FAF1: variants seen among roughly 807,000 people sequenced by gnomAD.
The protein encoded by FAF1 is FAS-associated factor 1.
FAF1 carries 25 observed loss-of-function variants against 92.5 expected under a neutral mutation model. The ratio of observed to expected loss-of-function variants is 0.27; its 90% CI spans 0.20 to 0.38. The LOEUF (loss-of-function observed/expected upper bound fraction) is 0.38, where lower values mean the gene tolerates loss of function less well. Ranked by LOEUF, FAF1 falls within the 10% of genes least tolerant of loss-of-function variation. FAF1 has a pLI of 1.00. For missense variants in FAF1, 636 were observed against 793.3 expected (o/e 0.80, Z 2.38); for synonymous variants, 234 against 273.2 (o/e 0.86, Z 1.42).
At chr1:50,689,955 G>A (rs1175919148) in intron 7 of FAF1, among the ~76,000 whole-genome samples, 2 of 151,530 alleles carry the variant, frequency 1.3e-5, no homozygotes, top group Non-Finnish European at 2.9e-5. Context: ...AGTATACATA[G>A]GAAGATCATT....
intron 4 of FAF1, among the ~76,000 whole-genome samples, chr1:50,772,776 A>G (rs1660819258): frequency 6.6e-6 from 1 of 152,188 alleles, no homozygotes; most frequent in Non-Finnish European, 1.5e-5. Flanking sequence ...GGGTGATGAA[A>G]TAATCTGCAC....
chr1:50,614,365 A>C (rs1326948808), intron 8 of FAF1, among the ~76,000 whole-genome samples: 1 of 152,168 alleles, frequency 6.6e-6, no homozygotes, highest in Non-Finnish European at 1.5e-5. Context: ...AAACTAGTTT[A>C]CCTGTAACTT....
At chr1:50,896,079 C>T (rs1191920789) in intron 1 of FAF1, among the ~76,000 whole-genome samples, 2 of 152,098 alleles carry the variant, frequency 1.3e-5, no homozygotes, top group Non-Finnish European at 2.9e-5. Context: ...TAAAGGGTAT[C>T]CAAATTGGAA....
chr1:50,724,648 T>C (rs1279059223), intron 6 of FAF1, among the ~76,000 whole-genome samples: 1 of 152,202 alleles, frequency 6.6e-6, no homozygotes, highest in Non-Finnish European at 1.5e-5. Context: ...AATATGTAGC[T>C]TTCCCACTCC....
chr1:50,826,043 TTAA>T lies in FAF1; in HGVS notation c.115-24369_115-24367del, dbSNP rs1418049470. Among the ~76,000 whole-genome samples, 13 of 152,268 alleles carry T rather than the reference TTAA, an allele frequency of 8.5e-5. 1 individual carries two copies. The South Asian group carries it at 2.7e-3, about 32-fold the overall frequency. ...CATGTTTGAGTGGAAATGTATAGCCTTAATGATACATATTAAGTATGAAGACTT... is the reference window on the plus strand; with the variant it reads ...CATGTTTGAGTGGAAATGTATAGCCTTGATACATATTAAGTATGAAGACTT... On this transcript the variant is annotated intron_variant, in intron 2 of 18. Coordinates refer to ENST00000396153, the MANE Select transcript of FAF1 (RefSeq NM_007051.3).
chr1:50,688,669 G>T (rs78523737), intron 7 of FAF1, among the ~76,000 whole-genome samples: 1 of 152,006 alleles, frequency 6.6e-6, no homozygotes, highest in East Asian at 1.9e-4. Context: ...AAAATTAGCC[G>T]GGCGTTGTGG....
intron 7 of FAF1, among the ~76,000 whole-genome samples, chr1:50,698,120 C>G (rs1657311458): frequency 6.6e-6 from 1 of 152,080 alleles, no homozygotes; most frequent in Admixed American, 6.6e-5. Flanking sequence ...TTTATATTCA[C>G]TTACCCATCC....
chr1:50,570,310 C>G (rs138688315), intron 12 of FAF1, among the ~76,000 whole-genome samples: 1 of 152,268 alleles, frequency 6.6e-6, no homozygotes, highest in Admixed American at 6.5e-5. Flanking sequence ...CACAAGGAAA[C>G]TTTAGGAAAG....
chr1:50,789,091 TCC>T (rs1202932388), intron 3 of FAF1, among the ~76,000 whole-genome samples: 1 of 152,120 alleles, frequency 6.6e-6, no homozygotes, highest in Admixed American at 6.6e-5. Flanking sequence ...CACTTCTGAC[TCC>T]CAAAGTGCTG....
At chr1:50,653,315 A>AT (rs1033645523) in intron 8 of FAF1, among the ~76,000 whole-genome samples, 7 of 151,306 alleles carry the variant, frequency 4.6e-5, no homozygotes, top group African/African-American at 1.2e-4. Flanking sequence ...AAACCTAAAG[A>AT]TTTTTTTTTC....
intron 9 of FAF1, among the ~76,000 whole-genome samples, chr1:50,586,468 A>G (rs1217719513): frequency 1.3e-5 from 2 of 152,220 alleles, no homozygotes; most frequent in Non-Finnish European, 2.9e-5. Flanking sequence ...GGGCATACCC[A>G]AGCATTAATG....
intron 7 of FAF1, among the ~76,000 whole-genome samples, chr1:50,669,306 A>G (rs1655766697): frequency 6.6e-6 from 1 of 152,154 alleles, no homozygotes; most frequent in African/African-American, 2.4e-5. Flanking sequence ...AAAAAAGACC[A>G]TATAATTTAC....
chr1:50,668,452 T>G (rs899907217), intron 7 of FAF1, among the ~76,000 whole-genome samples: 1 of 152,224 alleles, frequency 6.6e-6, no homozygotes, highest in African/African-American at 2.4e-5. Context: ...CTCAGAGATT[T>G]GTAGGCAGGA....
intron 6 of FAF1, among the ~76,000 whole-genome samples, chr1:50,720,913 C>T (rs1319967461): frequency 6.6e-6 from 1 of 152,120 alleles, no homozygotes; most frequent in Non-Finnish European, 1.5e-5. Flanking sequence ...ACCAGAAGCC[C>T]CACGCTCCTA....
In FAF1 at chr1:50,793,913, A is replaced by G. The variant is rs372804882; in HGVS notation, c.162-5708T>C. On this transcript the variant is annotated intron_variant, in intron 3 of 18. Coordinates refer to ENST00000396153, the MANE Select transcript of FAF1 (RefSeq NM_007051.3). The stretch of plus-strand genomic sequence containing the variant: ...ATGTTCCAAAATCTGAAACTTTTTG[A>G]GCACTGACATTAACACTCAAAGGAA... Among the ~76,000 whole-genome samples, 6 of 152,356 alleles carry G rather than the reference A, an allele frequency of 3.9e-5. No homozygotes were observed. The East Asian group carries it at 1.2e-3, about 29-fold the overall frequency.
chr1:50,667,172 A>G (rs970818478), intron 7 of FAF1, among the ~76,000 whole-genome samples: 1 of 152,276 alleles, frequency 6.6e-6, no homozygotes, highest in African/African-American at 2.4e-5. Context: ...CAAGGAAAAT[A>G]AATCAAGGAA....
intron 18 of FAF1, among the ~76,000 whole-genome samples, chr1:50,474,819 T>C (rs1231885204): frequency 6.6e-6 from 1 of 152,188 alleles, no homozygotes; most frequent in Non-Finnish European, 1.5e-5. Flanking sequence ...TGGTAAGTAA[T>C]AAAAGATTAA....
At chr1:50,819,308 T>C (rs948264798) in intron 2 of FAF1, among the ~76,000 whole-genome samples, 1 of 151,956 alleles carries the variant, frequency 6.6e-6, no homozygotes, top group Non-Finnish European at 1.5e-5. Context: ...GCTATCTACA[T>C]TTAAAATCCG....
intron 1 of FAF1, among the ~76,000 whole-genome samples, chr1:50,917,498 T>G (rs1239779236): frequency 6.6e-6 from 1 of 151,834 alleles, no homozygotes; most frequent in Non-Finnish European, 1.5e-5. Context: ...CCAAGCAACA[T>G]TTGCTAAATT....
Sources: allele counts gnomAD v4.1 joint callset (sites outside exome capture counted in the v4.1 genomes callset), GRCh38; gene constraint gnomAD v4.1.1; transcripts MANE v1.5; gene names NCBI Gene and HGNC (gene_info 2026-07-23, HGNC 2026-07-21).